SYNPO: variants seen among roughly 807,000 people sequenced by gnomAD.
SYNPO encodes synaptopodin.
A neutral mutation model predicts 49.5 loss-of-function variants in SYNPO; 19 were observed. The ratio of observed to expected loss-of-function variants is 0.38; its 90% CI spans 0.27 to 0.56. The LOEUF (loss-of-function observed/expected upper bound fraction) is 0.56. Ranked by LOEUF, SYNPO falls within the 20% of genes least tolerant of loss-of-function variation. SYNPO has a pLI of 0.68. For synonymous variants in SYNPO, 536 were observed against 548.0 expected, an observed-to-expected ratio of 0.98 and a Z score of 0.31; for missense variants, 1,131 against 1,248.3, an observed-to-expected ratio of 0.91 and a Z score of 1.42.
At chr5:150,614,361 T>G (rs1338821653) in intron 1 of SYNPO, among the ~76,000 whole-genome samples, 5 of 152,150 alleles carry the variant, frequency 3.3e-5, no homozygotes. Context: ...GTTGGAGCCC[T>G]GGGGTGTCTT....
Position 150,652,106 on chromosome 5 carries a change from A to G in SYNPO, c.2028+1803A>G, listed in dbSNP as rs185544743. On this transcript the variant is annotated intron_variant, in intron 2 of 2. Transcript: ENST00000307662. ...ACAGGGGTGCCTTCTTAGTGAGCTC[A>G]TTTCACACAGATCGAGGGGGTATGC... 101 of 1,000,926 alleles carry G rather than the reference A, an allele frequency of 1.0e-4. 1 individual carries two copies. The East Asian group carries it at 9.8e-3, about 97-fold the overall frequency. The allele number at this position is 1,000,926 out of a possible 1,614,324, so 62.0% of individuals were successfully genotyped here. A position where few individuals can be genotyped will look rare whatever the true frequency, so the allele number is the denominator to read the frequency against.
chr5:150,648,181 C>A lies in SYNPO; in HGVS notation c.-95C>A. 3 of 1,572,642 alleles carry A rather than the reference C, an allele frequency of 1.9e-6. No homozygotes were observed. The highest frequency in any genetic ancestry group is 1.7e-6 in the Non-Finnish European group (2 of 1,158,426). On this transcript the variant is annotated 5_prime_UTR_variant, in exon 2 of 3. Transcript: ENST00000307662. The surrounding 1 kb of genome is among the most constrained non-coding windows in gnomAD (Gnocchi z 5.0). ...CCTTCAAGCCTCCCAGGCCATGCAC[C>A]GGGGCTCAGCCTGAGTTCCACCTCG...
At chr5:150,631,233 G>C (rs2151387548) in intron 2 of SYNPO, among the ~76,000 whole-genome samples, 3 of 152,374 alleles carry the variant, frequency 2.0e-5, no homozygotes, top group Admixed American at 2.0e-4. Context: ...GCGGGGACAG[G>C]CAGACTGACG....
At chr5:150,640,110 G>C (rs1757847116), upstream of SYNPO, 1 of 985,080 alleles carries the variant, frequency 1.0e-6, no homozygotes, top group Admixed American at 6.1e-5. Flanking sequence ...GTGAAGTAAG[G>C]CCCTGTCCTG....
intron 2 of SYNPO, among the ~76,000 whole-genome samples, chr5:150,635,170 C>T (rs949986298): frequency 1.3e-5 from 2 of 152,276 alleles, no homozygotes; most frequent in African/African-American, 2.4e-5. Flanking sequence ...CAGCCTTCCA[C>T]GAGTCCCGTG....
At position 150,634,117 on chromosome 5, in the gene SYNPO, C is replaced by T. The variant is rs139882494; in HGVS notation, c.401-13827C>T. Among the ~76,000 whole-genome samples, 4 of 152,270 alleles carry T rather than the reference C, an allele frequency of 2.6e-5. No homozygotes were observed. In the East Asian group the frequency reaches 7.7e-4, roughly 29 times the overall value. On this transcript the variant is annotated intron_variant, in intron 2 of 2. Coordinates refer to the SYNPO transcript ENST00000394243. Reference sequence around the variant, plus strand: ...AGTTATAAGATCATGGACTCTAAAGCCCAGTGGGTTCCCAACCTGGCTGTA... The same window carrying T: ...AGTTATAAGATCATGGACTCTAAAGTCCAGTGGGTTCCCAACCTGGCTGTA...
intron 2 of SYNPO, among the ~76,000 whole-genome samples, chr5:150,629,115 C>A (rs1379486997): frequency 6.6e-6 from 1 of 152,088 alleles, no homozygotes; most frequent in Non-Finnish European, 1.5e-5. Flanking sequence ...ACCTCCTGGG[C>A]TCAAGTGATC....
At chr5:150,651,082 G>A (rs566629771) in intron 2 of SYNPO, 74 of 1,137,980 alleles carry the variant, frequency 6.5e-5, no homozygotes, top group South Asian at 1.8e-4. Context: ...TGCTGTCACC[G>A]CTCTAGGGGT....
At position 150,656,507 on chromosome 5, in the gene SYNPO, G is replaced by A. The variant is rs1311950717; in HGVS notation, c.2132G>A (p.Gly711Asp). Residue 711 changes from glycine (G) to aspartate (D), a missense_variant, in exon 3 of 3, where the codon GGT (glycine) becomes GAT (aspartate). By Grantham distance (94) the Gly-to-Asp change is moderately conservative. Coordinates refer to ENST00000307662, the MANE Select transcript of SYNPO (RefSeq NM_007286.6). ...GWVSPGPWEP[G>D]RGSSMSSPPP... is the part of the protein sequence containing the mutation. ...GTGAGCCCGGGCCCGTGGGAGCCAG[G>A]TCGCGGGAGCAGCATGAGCAGCCCC... The A allele has an allele frequency of 2.0e-6, 3 of 1,531,848 alleles. No individual in the cohort carries two copies. Among genetic ancestry groups the A allele is most frequent in the Admixed American group, 2.0e-5 (1 of 50,856 alleles). The allele number at this position is 1,531,848 out of a possible 1,614,324, so 94.9% of individuals were successfully genotyped here.
In SYNPO at chr5:150,649,791, G is replaced by T; in HGVS notation, c.1516G>T (p.Ala506Ser). The T allele has an allele frequency of 1.9e-6, 3 of 1,611,760 alleles. No individual in the cohort carries two copies. The highest frequency in any genetic ancestry group is 2.5e-6 in the Non-Finnish European group (3 of 1,180,016). Residue 506 changes from alanine to serine, a missense_variant, in exon 2 of 3, where the codon GCC (alanine) becomes TCC (serine). Ala to Ser is a moderately conservative substitution (Grantham distance 99). Coordinates refer to ENST00000307662, the MANE Select transcript of SYNPO (RefSeq NM_007286.6). Reference sequence around the variant, plus strand: ...GTCTTCAAGCCACACGCCAGAGCTGGCCCGCTGCCCATCACCTACCATGTC... The same window carrying T: ...GTCTTCAAGCCACACGCCAGAGCTGTCCCGCTGCCCATCACCTACCATGTC... ...IESSSHTPEL[A>S]RCPSPTMSLP... is the part of the protein sequence containing the mutation.
At chr5:150,602,779 G>A (rs79922830) in intron 1 of SYNPO, among the ~76,000 whole-genome samples, 4,818 of 152,138 alleles carry the variant, frequency 0.032, 123 homozygotes, top group Non-Finnish European at 0.052. Flanking sequence ...GGCCACAAGC[G>A]ATCCTTCCCT....
At chr5:150,633,571 A>C (rs1404606181) in intron 2 of SYNPO, among the ~76,000 whole-genome samples, 1 of 152,238 alleles carries the variant, frequency 6.6e-6, no homozygotes, top group Non-Finnish European at 1.5e-5. Context: ...GCTGGGAGTC[A>C]AAATCACATG....
rs147931554 is a variant in SYNPO, at chr5:150,649,324, A to T, written c.1049A>T (p.Lys350Met). ...YSVLYPSSDP[K>M]SSHLKGQAVP... ...GTCCTGTATCCCAGCTCCGACCCCA[A>T]GTCTTCTCATCTGAAGGGCCAGGCG... The change falls in exon 2 of 3, where the codon AAG becomes ATG. Residue 350 changes from lysine (K) to methionine (M), a missense_variant. Lys to Met is a moderately conservative substitution (Grantham distance 95, BLOSUM62 -1). Transcript: ENST00000307662. 4 of 1,614,116 alleles carry T rather than the reference A, an allele frequency of 2.5e-6. No homozygotes were observed. The highest frequency in any genetic ancestry group is 3.4e-6 in the Non-Finnish European group (4 of 1,180,018).
At chr5:150,608,217 CTCT>C (rs141529952) in intron 1 of SYNPO, among the ~76,000 whole-genome samples, 5,491 of 152,330 alleles carry the variant, frequency 0.036, 379 homozygotes, top group Admixed American at 0.17. Context: ...ACTGATGTCA[CTCT>C]TCTTAATCCA....
At chr5:150,642,210 G>C (rs1757934355) in intron 1 of SYNPO, among the ~76,000 whole-genome samples, 1 of 152,218 alleles carries the variant, frequency 6.6e-6, no homozygotes, top group Admixed American at 6.5e-5. Flanking sequence ...CCCTTCTCAT[G>C]GCTGTGCTGG....
chr5:150,638,166 C>T (rs938736192), upstream of SYNPO, among the ~76,000 whole-genome samples: 1 of 152,166 alleles, frequency 6.6e-6, no homozygotes, highest in Non-Finnish European at 1.5e-5. Flanking sequence ...GCTTAGAATG[C>T]TTCCTTATCT....
At chr5:150,654,941 C>A (rs1159104170) in intron 2 of SYNPO, among the ~76,000 whole-genome samples, 2 of 152,150 alleles carry the variant, frequency 1.3e-5, no homozygotes, top group Non-Finnish European at 2.9e-5. Context: ...GCCTGACCAA[C>A]ATGGAGAAAC....
upstream of SYNPO, among the ~76,000 whole-genome samples, chr5:150,599,503 C>T (rs1030321770): frequency 6.6e-6 from 1 of 152,212 alleles, no homozygotes; most frequent in African/African-American, 2.4e-5. Context: ...CCCGCACTGG[C>T]TCTGGAGTCA....
At position 150,649,558 on chromosome 5, in the gene SYNPO, C is replaced by T. The variant is rs1758267838; in HGVS notation, c.1283C>T (p.Ser428Phe). The change falls in exon 2 of 3, where the codon TCC becomes TTC. Residue 428 changes from serine to phenylalanine, a missense_variant. Transcript: ENST00000307662. ...EEPFALGAEASNFQQEPAPRD... is the reference protein window; with the variant it reads ...EEPFALGAEAFNFQQEPAPRD... Reference sequence around the variant, plus strand: ...CCCTTCGCACTGGGGGCCGAGGCCTCCAACTTCCAGCAGGAGCCAGCACCT... The same window carrying T: ...CCCTTCGCACTGGGGGCCGAGGCCTTCAACTTCCAGCAGGAGCCAGCACCT... 4 of 1,610,542 alleles carry T rather than the reference C, an allele frequency of 2.5e-6. No individual in the cohort carries two copies. Among genetic ancestry groups the T allele is most frequent in the Non-Finnish European group, 3.4e-6 (4 of 1,178,642 alleles).
Sources: gnomAD v4.1 joint callset for allele counts (sites outside exome capture counted in the v4.1 genomes callset) on GRCh38, gnomAD v4.1.1 for gene constraint, Gnocchi (gnomAD v3.1) non-coding constraint, MANE v1.5 for transcripts, NCBI Gene and HGNC (gene_info 2026-07-23, HGNC 2026-07-21) for gene names.